Variants in TECRL observed in about 807,000 individuals in gnomAD.
TECRL encodes the protein trans-2,3-enoyl-CoA reductase like, also known as trans-2,3-enoyl-CoA reductase-like.
Under a neutral mutation model 52.8 loss-of-function variants are expected in TECRL, and 63 were observed. That is an observed-to-expected ratio of 1.19 (90% confidence interval 0.97 to 1.47). TECRL has a LOEUF of 1.47. Among genes scored for constraint, TECRL ranks in the 40% most tolerant of loss-of-function variants. The pLI, the probability that TECRL is intolerant of heterozygous loss-of-function variation, is 0.00. For missense variants in TECRL, 482 were observed against 429.6 expected (o/e 1.12, Z -1.08); for synonymous variants, 164 against 141.9 (o/e 1.16, Z -1.10).
At chr4:64,314,789 A>C (rs748253419) in intron 4 of TECRL, 26 bp from the exon 5 acceptor site, 2 of 1,483,170 alleles carry the variant, frequency 1.3e-6, no homozygotes, top group Non-Finnish European at 1.9e-6. Flanking sequence ...GATTTAGATT[A>C]AACGATAAAA....
At chr4:64,276,697 A>G (rs1722587989), downstream of TECRL, 1 of 177,038 alleles carries the variant, frequency 5.6e-6, no homozygotes, top group South Asian at 2.0e-4. Context: ...TTACTTAGAT[A>G]TGTGGCAAAA....
At chr4:64,334,517 T>C (rs1389573087) in intron 2 of TECRL, among the ~76,000 whole-genome samples, 1 of 152,196 alleles carries the variant, frequency 6.6e-6, no homozygotes, top group African/African-American at 2.4e-5. Context: ...TCTCAACAAC[T>C]AAAAGTGTTT....
chr4:64,306,080 T>G (rs566780224), intron 6 of TECRL, among the ~76,000 whole-genome samples: 51 of 152,166 alleles, frequency 3.4e-4, no homozygotes, highest in African/African-American at 1.2e-3. Context: ...ATGGGAAGGG[T>G]GAGTAAGGGC....
intron 3 of TECRL, among the ~76,000 whole-genome samples, chr4:64,327,018 A>G (rs913993922): frequency 6.6e-6 from 1 of 152,112 alleles, no homozygotes; most frequent in Non-Finnish European, 1.5e-5. Flanking sequence ...CATATGCATT[A>G]TAAACATATA....
chr4:64,322,478 A>G (rs1717970605), intron 4 of TECRL, among the ~76,000 whole-genome samples: 1 of 150,132 alleles, frequency 6.7e-6, no homozygotes, highest in Non-Finnish European at 1.5e-5. Flanking sequence ...AAAAAAAAGG[A>G]ACTTATCTTC....
rs549835753 is a variant in TECRL, at chr4:64,363,105, G to A, written c.286+12067C>T. Among the ~76,000 whole-genome samples the A allele has an allele frequency of 1.3e-4, 19 of 151,652 alleles. No individual in the cohort carries two copies. The South Asian group carries it at 2.7e-3, about 22-fold the overall frequency. ...CAAAAAGTACAAAGGAGGACATTAC[G>A]TAATGATAAAGCATTCAATTCAAAA... is the stretch of plus-strand genomic sequence containing the variant. On this transcript the variant is annotated intron_variant, in intron 2 of 11. Coordinates refer to ENST00000381210, the MANE Select transcript of TECRL (RefSeq NM_001010874.5).
chr4:64,333,377 T>C (rs1718790469), intron 2 of TECRL, among the ~76,000 whole-genome samples: 1 of 152,098 alleles, frequency 6.6e-6, no homozygotes, highest in Non-Finnish European at 1.5e-5. Flanking sequence ...TTTCCGTCAT[T>C]AGATTAACAT....
intron 5 of TECRL, among the ~76,000 whole-genome samples, chr4:64,313,672 G>A (rs1335855983): frequency 2.7e-5 from 4 of 149,402 alleles, no homozygotes; most frequent in South Asian, 4.3e-4. Flanking sequence ...TAGTAGAGAC[G>A]GGGTTTCACC....
At chr4:64,300,114 C>A in intron 7 of TECRL, 97 bp from the exon 8 acceptor site, 2 of 861,332 alleles carry the variant, frequency 2.3e-6, no homozygotes, top group South Asian at 2.5e-5. Context: ...GGTATAAATT[C>A]TATAATCAAT....
intron 2 of TECRL, among the ~76,000 whole-genome samples, chr4:64,358,498 G>T (rs546013711): frequency 6.6e-6 from 1 of 151,714 alleles, no homozygotes; most frequent in South Asian, 2.1e-4. Context: ...GATAGGAAAA[G>T]GTATTGGAGA....
intron 4 of TECRL, among the ~76,000 whole-genome samples, chr4:64,321,847 T>C (rs972341221): frequency 2.6e-5 from 4 of 152,192 alleles, no homozygotes; most frequent in African/African-American, 9.6e-5. Flanking sequence ...CATGGTCAGT[T>C]GCCAAAAGTT....
chr4:64,315,345 A>G (rs948092907), intron 4 of TECRL, among the ~76,000 whole-genome samples: 1 of 152,124 alleles, frequency 6.6e-6, no homozygotes, highest in Non-Finnish European at 1.5e-5. Flanking sequence ...GGGGGTAACC[A>G]TATTTGAACT....
At chr4:64,335,355 G>A (rs1718987567) in intron 2 of TECRL, among the ~76,000 whole-genome samples, 2 of 152,190 alleles carry the variant, frequency 1.3e-5, no homozygotes, top group African/African-American at 4.8e-5. Flanking sequence ...AGAATCTAAT[G>A]CCTAATGGTC....
chr4:64,286,389 A>G (rs1225270173), intron 9 of TECRL, among the ~76,000 whole-genome samples: 1 of 152,090 alleles, frequency 6.6e-6, no homozygotes. Flanking sequence ...AAGAATAGCC[A>G]AAAAAGGGAC....
intron 8 of TECRL, among the ~76,000 whole-genome samples, chr4:64,290,752 A>G (rs1723335203): frequency 6.6e-6 from 1 of 152,110 alleles, no homozygotes; most frequent in Non-Finnish European, 1.5e-5. Flanking sequence ...GAAAGAGAAA[A>G]TTTAAATCCA....
At chr4:64,347,737 C>T (rs1720087873) in intron 2 of TECRL, among the ~76,000 whole-genome samples, 1 of 152,094 alleles carries the variant, frequency 6.6e-6, no homozygotes, top group African/African-American at 2.4e-5. Context: ...CCAGTAACCT[C>T]CTCTCTCTGT....
chr4:64,349,013 C>T (rs1720185039), intron 2 of TECRL, among the ~76,000 whole-genome samples: 1 of 149,264 alleles, frequency 6.7e-6, no homozygotes, highest in East Asian at 2.0e-4. Flanking sequence ...AATTTCAAAA[C>T]TCCATCTTGT....
At chr4:64,396,634 C>T (rs2109764947) in intron 1 of TECRL, among the ~76,000 whole-genome samples, 1 of 152,148 alleles carries the variant, frequency 6.6e-6, no homozygotes, top group East Asian at 1.9e-4. Flanking sequence ...GTTTCTTTTG[C>T]CGTAAGGGAC....
At chr4:64,338,759 A>C (rs955509694) in intron 2 of TECRL, among the ~76,000 whole-genome samples, 4 of 152,234 alleles carry the variant, frequency 2.6e-5, no homozygotes, top group Non-Finnish European at 5.9e-5. Context: ...GTTAGAATGG[A>C]GATCATTAAA....
Sources: gnomAD v4.1 joint callset for allele counts (sites outside exome capture counted in the v4.1 genomes callset) on GRCh38, gnomAD v4.1.1 for gene constraint, MANE v1.5 for transcripts, NCBI Gene and HGNC (gene_info 2026-07-23, HGNC 2026-07-21) for gene names.